CYP4A22: variants seen among roughly 807,000 people sequenced by gnomAD.
The protein encoded by CYP4A22 is cytochrome P450 4A22.
A neutral mutation model predicts 56.2 loss-of-function variants in CYP4A22; 46 were observed. The observed-to-expected ratio is 0.82, with a 90% CI of 0.65 to 1.05. CYP4A22 has a LOEUF of 1.05. Among genes scored for constraint, CYP4A22 ranks in the 50% least tolerant of loss-of-function variants. The pLI, the probability that CYP4A22 is intolerant of heterozygous loss-of-function variation, is 0.00. For synonymous variants in CYP4A22, 193 were observed against 251.1 expected (o/e 0.77, Z 2.19); for missense variants, 541 against 645.9 (o/e 0.84, Z 1.76).
At chr1:47,147,658 C>T (rs1160106028) in intron 11 of CYP4A22, among the ~76,000 whole-genome samples, 1 of 152,130 alleles carries the variant, frequency 6.6e-6, no homozygotes, top group Non-Finnish European at 1.5e-5. Flanking sequence ...GCCCAGCTGG[C>T]AGGGAGTGAG....
In CYP4A22 at chr1:47,143,742, T is replaced by G; in HGVS notation, c.636-20T>G. The G allele has an allele frequency of 6.3e-7, 1 of 1,595,124 alleles. No homozygotes were observed. On this transcript the variant is annotated intron_variant, in intron 5 of 11. Transcript: ENST00000371891. Reference sequence around the variant, plus strand: ...ATGGGCCCACCCCTACTGCGGTCTCTTCTTCATACTCTCCCTCAGGAATTC... The same window carrying G: ...ATGGGCCCACCCCTACTGCGGTCTCGTCTTCATACTCTCCCTCAGGAATTC...
chr1:47,146,665 T>G, intron 11 of CYP4A22: 2 of 999,006 alleles, frequency 2.0e-6, no homozygotes, highest in Non-Finnish European at 2.4e-6. Context: ...AGTCCTACCT[T>G]TCAAGCCATA....
At position 47,145,747 on chromosome 1, in the gene CYP4A22, C is replaced by A. The variant is rs1407950253; in HGVS notation, c.1223-119C>A. Reference sequence around the variant, plus strand: ...TGCATAATGGCAGAATCATCCTAGTCAAAGTGACAATTTATAGAAAGTAGG... The same window carrying A: ...TGCATAATGGCAGAATCATCCTAGTAAAAGTGACAATTTATAGAAAGTAGG... On this transcript the variant is annotated intron_variant, in intron 9 of 11. Transcript: ENST00000371891. 24 of 1,433,328 alleles carry A rather than the reference C, an allele frequency of 1.7e-5. No homozygotes were observed. In the Admixed American group the frequency reaches 4.2e-4, roughly 25 times the overall value. 88.8% of individuals were successfully genotyped at this position (1,433,328 alleles called of 1,614,324 possible). A position where few individuals can be genotyped will look rare whatever the true frequency, so the allele number is the denominator to read the frequency against.
At chr1:47,148,010 G>A (rs1645094141) in intron 11 of CYP4A22, among the ~76,000 whole-genome samples, 1 of 152,196 alleles carries the variant, frequency 6.6e-6, no homozygotes, top group Non-Finnish European at 1.5e-5. Context: ...ATGGAGGAGT[G>A]AGGTTAGACA....
intron 11 of CYP4A22, chr1:47,147,097 A>G: frequency 2.0e-6 from 2 of 985,488 alleles, no homozygotes; most frequent in Non-Finnish European, 1.2e-6. Context: ...AATGATAAAA[A>G]TTCTTAGTAG....
Position 47,141,321 on chromosome 1 carries a change from A to G in CYP4A22, c.338-250A>G, listed in dbSNP as rs559579301. ...CCATGGCTCTGTATTATTCATTGTC[A>G]TTGAAGACCTAGCCTATGTATCTCA... is the stretch of plus-strand genomic sequence containing the variant. On this transcript the variant is annotated intron_variant, in intron 2 of 11. Transcript: ENST00000371891. 2.6e-5 allele frequency among the ~76,000 whole-genome samples: 4 copies of G among 152,294 alleles called. No individual in the cohort carries two copies. In the South Asian group the frequency reaches 8.3e-4, roughly 32 times the overall value.
At position 47,137,624 on chromosome 1, in the gene CYP4A22, G is replaced by A. The variant is rs137980355; in HGVS notation, c.139G>A (p.Ala47Thr). Residue 47 changes from alanine to threonine, a missense_variant, in exon 1 of 12, where the codon GCC becomes ACC. This residue lies in a region of CYP4A22 where 335 missense variants were observed against 361.2 expected (regional missense o/e 0.93). Coordinates refer to ENST00000371891, the MANE Select transcript of CYP4A22 (RefSeq NM_001010969.4). ...LYLHRQWLLK[A>T]LQQFPCPPSH... Reference sequence around the variant, plus strand: ...CCTGCATAGGCAGTGGCTGCTCAAAGCCCTCCAGCAGTTCCCGTGCCCTCC... The same window carrying A: ...CCTGCATAGGCAGTGGCTGCTCAAAACCCTCCAGCAGTTCCCGTGCCCTCC... 5.0e-6 allele frequency: 8 copies of A among 1,614,002 alleles called. No homozygotes were observed. Among genetic ancestry groups the A allele is most frequent in the Admixed American group, 3.3e-5 (2 of 59,994 alleles).
intron 1 of CYP4A22, 122 bp from the exon 2 acceptor site, chr1:47,140,658 A>G: frequency 6.9e-7 from 1 of 1,450,726 alleles, no homozygotes; most frequent in Non-Finnish European, 9.4e-7. Context: ...AGCTCAGGTC[A>G]TCAGAAACAG....
In CYP4A22 at chr1:47,144,854, T is replaced by G; in HGVS notation, c.1106T>G (p.Met369Arg). 1 of 1,613,976 alleles carries G rather than the reference T, an allele frequency of 6.2e-7. No homozygotes were observed. Among genetic ancestry groups the G allele is most frequent in the Non-Finnish European group, 8.5e-7 (1 of 1,179,942 alleles). The change falls in exon 9 of 12, where the codon ATG becomes AGG. Residue 369 changes from methionine to arginine, a missense_variant. Transcript: ENST00000371891. ...ASITWNHLDQ[M>R]PYTTMCIKEA... Reference sequence around the variant, plus strand: ...TGTTTCAGGAACCACCTGGACCAGATGCCCTACACCACCATGTGCATTAAG... The same window carrying G: ...TGTTTCAGGAACCACCTGGACCAGAGGCCCTACACCACCATGTGCATTAAG...
In CYP4A22 at chr1:47,144,425, A is replaced by G. The variant is rs755217084; in HGVS notation, c.859A>G (p.Arg287Gly). 3 of 1,613,950 alleles carry G rather than the reference A, an allele frequency of 1.9e-6. No individual in the cohort carries two copies. Among genetic ancestry groups the G allele is most frequent in the South Asian group, 1.1e-5 (1 of 91,070 alleles). ...GGAGCTGGAGAAGATCAAGAGGAAG[A>G]GGCACTTGGATTTTCTGGACATCCT... Reference protein sequence around the residue: ...EGELEKIKRKRHLDFLDILLL... With the variant: ...EGELEKIKRKGHLDFLDILLL... The change falls in exon 7 of 12, where the codon AGG becomes GGG. Residue 287 changes from arginine to glycine, a missense_variant. Transcript: ENST00000371891.
intron 5 of CYP4A22, 86 bp downstream of exon 5, chr1:47,143,479 G>T: frequency 2.0e-6 from 3 of 1,503,478 alleles, no homozygotes; most frequent in Non-Finnish European, 2.7e-6. Context: ...CAGCGTGAAG[G>T]CTCACCGCCA....
Position 47,149,140 on chromosome 1 carries a change from T to C in CYP4A22, c.*343T>C, listed in dbSNP as rs1645105481. On this transcript the variant is annotated 3_prime_UTR_variant, in exon 12 of 12. Transcript: ENST00000371891. ...GAACACCAAGCTCTGTGCTGAAGGGTGGAAGGCTACCCTGACGCACCATAA... is the reference window on the plus strand; with the variant it reads ...GAACACCAAGCTCTGTGCTGAAGGGCGGAAGGCTACCCTGACGCACCATAA... The C allele has an allele frequency of 4.9e-6, 1 of 203,672 alleles. No homozygotes were observed. The highest frequency in any genetic ancestry group is 9.9e-6 in the Non-Finnish European group (1 of 101,430). The allele number at this position is 203,672 out of a possible 1,614,324, so 12.6% of individuals were successfully genotyped here.
In CYP4A22 at chr1:47,137,453, A is replaced by C. The variant is rs201610410; in HGVS notation, c.-33A>C. 6.3e-7 allele frequency: 1 copy of C among 1,588,494 alleles called. No individual in the cohort carries two copies. Among genetic ancestry groups the C allele is most frequent in the Non-Finnish European group, 8.6e-7 (1 of 1,166,650 alleles). On this transcript the variant is annotated 5_prime_UTR_variant, in exon 1 of 12. Coordinates refer to ENST00000371891, the MANE Select transcript of CYP4A22 (RefSeq NM_001010969.4). Reference sequence around the variant, plus strand: ...TGGACAGGGGTGGTCAGAGAGAGGAAGGGGCACTCAGAGATCCAGCAGGTG... The same window carrying C: ...TGGACAGGGGTGGTCAGAGAGAGGACGGGGCACTCAGAGATCCAGCAGGTG...
chr1:47,143,973 C>A, intron 6 of CYP4A22, 57 bp downstream of exon 6: 1 of 1,555,520 alleles, frequency 6.4e-7, no homozygotes, highest in South Asian at 1.2e-5. Context: ...AAGTACCTGC[C>A]CTGACTCCTC....
rs150794228 is a variant in CYP4A22, at chr1:47,146,093, G to A, written c.1304G>A (p.Arg435His). ...TCTCTGCAGGTGTTTGACCCTTCCC[G>A]TTTTGCACCGGGTTCTGCTCAACAC... Reference protein sequence around the residue: ...WPNLEVFDPSRFAPGSAQHSH... With the variant: ...WPNLEVFDPSHFAPGSAQHSH... The change falls in exon 11 of 12, where the codon CGT becomes CAT. Residue 435 changes from arginine to histidine, a missense_variant. By Grantham distance (29) the Arg-to-His change is conservative. This residue lies in a region of CYP4A22 where 204 missense variants were observed against 258.9 expected (regional missense o/e 0.79). Transcript: ENST00000371891. 2,206 of 1,614,090 alleles carry A rather than the reference G, an allele frequency of 1.4e-3. 6 individuals are homozygous for A. The highest frequency in any genetic ancestry group is 6.3e-3 in the Middle Eastern group (38 of 6,062).
rs867853709 is a variant in CYP4A22, at chr1:47,137,647, T to G, written c.162T>G (p.Pro54=). Residue 54 remains proline (P), a synonymous_variant, in exon 1 of 12, where the codon CCT becomes CCG. Transcript: ENST00000371891. The stretch of plus-strand genomic sequence containing the variant: ...AAGCCCTCCAGCAGTTCCCGTGCCC[T>G]CCCTCCCACTGGCTCTTCGGGCACA... ...LLKALQQFPC[P]PSHWLFGHIQ... 2.5e-6 allele frequency: 4 copies of G among 1,613,238 alleles called. No individual in the cohort carries two copies. In the South Asian group the frequency reaches 4.4e-5, roughly 18 times the overall value.
chr1:47,145,377 AGCC>A (rs1436787178), intron 9 of CYP4A22, among the ~76,000 whole-genome samples: 3 of 152,210 alleles, frequency 2.0e-5, no homozygotes, highest in African/African-American at 4.8e-5. Flanking sequence ...GGCAGAGAGC[AGCC>A]AATGACCAGA....
Position 47,144,397 on chromosome 1 carries a change from G to C in CYP4A22, c.831G>C (p.Glu277Asp), listed in dbSNP as rs760627269. ...IQLRKAQLQK[E>D]GELEKIKRKR... ...TGAGGAAGGCTCAACTACAGAAGGAGGGGGAGCTGGAGAAGATCAAGAGGA... is the reference window on the plus strand; with the variant it reads ...TGAGGAAGGCTCAACTACAGAAGGACGGGGAGCTGGAGAAGATCAAGAGGA... The change falls in exon 7 of 12, where the codon GAG becomes GAC. Residue 277 changes from glutamate (E) to aspartate (D), a missense_variant. Coordinates refer to ENST00000371891, the MANE Select transcript of CYP4A22 (RefSeq NM_001010969.4). 1.4e-5 allele frequency: 22 copies of C among 1,613,840 alleles called. 1 individual carries two copies. The South Asian group carries it at 2.3e-4, about 17-fold the overall frequency.
At chr1:47,138,168 GA>G (rs934166259) in intron 1 of CYP4A22, among the ~76,000 whole-genome samples, 20 of 152,312 alleles carry the variant, frequency 1.3e-4, no homozygotes, top group African/African-American at 4.8e-4. Flanking sequence ...CAGACTGCAG[GA>G]AAAGAGCTCA....
Sources: allele counts gnomAD v4.1 joint callset (sites outside exome capture counted in the v4.1 genomes callset), GRCh38; gene constraint gnomAD v4.1.1; regional missense constraint gnomAD v4.1.1; transcripts MANE v1.5; gene names NCBI Gene and HGNC (gene_info 2026-07-23, HGNC 2026-07-21).